Variants in ESRRG observed in about 807,000 individuals in gnomAD.
ESRRG encodes the protein estrogen-related receptor gamma.
In ESRRG, 13 loss-of-function variants were observed where a neutral mutation model predicts 44.0. The ratio of observed to expected loss-of-function variants is 0.30; its 90% CI spans 0.19 to 0.47. ESRRG has a LOEUF of 0.47. Ranked by LOEUF, ESRRG falls within the 20% of genes least tolerant of loss-of-function variation. The pLI is 1.00. For missense variants in ESRRG, 395 were observed against 580.6 expected, an observed-to-expected ratio of 0.68 and a Z score of 3.29; for synonymous variants, 215 against 214.6, an observed-to-expected ratio of 1.00 and a Z score of -0.02.
intron 1 of ESRRG, among the ~76,000 whole-genome samples, chr1:217,005,136 T>C (rs1444764268): frequency 1.3e-5 from 2 of 152,160 alleles, no homozygotes; most frequent in African/African-American, 2.4e-5. Flanking sequence ...TTAGTTAGCT[T>C]GTGTATATTG....
At chr1:216,541,264 G>A (rs2052633657) in intron 5 of ESRRG, among the ~76,000 whole-genome samples, 1 of 151,886 alleles carries the variant, frequency 6.6e-6, no homozygotes, top group Non-Finnish European at 1.5e-5. Context: ...TTCTTAACCT[G>A]CTAAATTAAA....
At chr1:217,057,495 A>G (rs1304426370) in intron 1 of ESRRG, among the ~76,000 whole-genome samples, 2 of 152,182 alleles carry the variant, frequency 1.3e-5, no homozygotes, top group African/African-American at 4.8e-5. Flanking sequence ...ACATTAAGAA[A>G]TGATACAAAC....
chr1:216,512,082 G>T (rs1296709562), intron 6 of ESRRG, among the ~76,000 whole-genome samples: 1 of 152,068 alleles, frequency 6.6e-6, no homozygotes, highest in Non-Finnish European at 1.5e-5. Flanking sequence ...AAAAAGAGAA[G>T]AAAAACAACA....
chr1:216,804,916 T>C (rs1046487086), intron 2 of ESRRG: 1 of 152,172 alleles, frequency 6.6e-6, no homozygotes, highest in African/African-American at 2.4e-5. Flanking sequence ...CCCATAGCAT[T>C]TACAAATAGA....
At chr1:217,091,355 G>T (rs565529731), upstream of ESRRG, among the ~76,000 whole-genome samples, 1 of 152,240 alleles carries the variant, frequency 6.6e-6, no homozygotes, top group Admixed American at 6.5e-5. Context: ...AAAAACTTTT[G>T]AATTCATCCA....
At chr1:216,882,947 T>G (rs546861299) in intron 2 of ESRRG, among the ~76,000 whole-genome samples, 84 of 148,720 alleles carry the variant, frequency 5.6e-4, no homozygotes, top group Non-Finnish European at 8.3e-4. Flanking sequence ...AAAAAAAAAA[T>G]GCTCTCTAAA....
chr1:216,520,947 G>A (rs1461585891), intron 5 of ESRRG, among the ~76,000 whole-genome samples: 1 of 152,102 alleles, frequency 6.6e-6, no homozygotes, highest in Non-Finnish European at 1.5e-5. Flanking sequence ...GAAAAGGAAA[G>A]GATTTCCTGA....
rs145289825 is a variant in ESRRG at position 216,986,368 on chromosome 1, T to C, written c.-105-46695A>G. ...TGTCTGAGAATGCAGATTCAGAAAT[T>C]GTATAGAGACGTAAACATGTGGCCT... On this transcript the variant is annotated intron_variant, in intron 1 of 7. Transcript: ENST00000359162. Among the ~76,000 whole-genome samples the C allele has an allele frequency of 2.6e-4, 40 of 152,100 alleles. No individual in the cohort carries two copies. The East Asian group carries it at 7.4e-3, about 28-fold the overall frequency.
At chr1:216,718,094 T>C (rs1289358617) in intron 1 of ESRRG, among the ~76,000 whole-genome samples, 1 of 151,880 alleles carries the variant, frequency 6.6e-6, no homozygotes, top group Non-Finnish European at 1.5e-5. Context: ...ACTTACTAGG[T>C]TACCTGTTAC....
intron 1 of ESRRG, among the ~76,000 whole-genome samples, chr1:217,026,386 C>A (rs11572425): frequency 4.5e-4 from 68 of 152,328 alleles, no homozygotes; most frequent in African/African-American, 1.4e-3. Flanking sequence ...GAAGACCCTG[C>A]AAATGGCAAG....
chr1:216,524,526 C>A (rs1018418289), intron 5 of ESRRG, among the ~76,000 whole-genome samples: 4 of 151,752 alleles, frequency 2.6e-5, no homozygotes, highest in African/African-American at 4.8e-5. Flanking sequence ...TTTGGGCTGA[C>A]CTTAATCCAG....
intron 2 of ESRRG, among the ~76,000 whole-genome samples, chr1:216,831,989 G>T (rs2095494894): frequency 6.6e-6 from 1 of 152,120 alleles, no homozygotes; most frequent in Non-Finnish European, 1.5e-5. Context: ...GTCTGCAAAT[G>T]ATTCTTCATG....
At chr1:216,904,449 CAA>C (rs1398093855) in intron 2 of ESRRG, among the ~76,000 whole-genome samples, 1 of 152,102 alleles carries the variant, frequency 6.6e-6, no homozygotes, top group South Asian at 2.1e-4. Context: ...TAAAATTAAA[CAA>C]AGTCATTGAA....
At chr1:216,675,005 G>C (rs2075842529) in intron 2 of ESRRG, among the ~76,000 whole-genome samples, 1 of 152,082 alleles carries the variant, frequency 6.6e-6, no homozygotes. Flanking sequence ...GTACAAGTAA[G>C]GATTGTCACT....
chr1:216,551,868 G>T (rs1407022689), intron 5 of ESRRG, among the ~76,000 whole-genome samples: 1 of 152,042 alleles, frequency 6.6e-6, no homozygotes, highest in Non-Finnish European at 1.5e-5. Context: ...ATTTAGCTCT[G>T]CATCAAGATC....
At chr1:216,524,909 C>T (rs919333573) in intron 5 of ESRRG, among the ~76,000 whole-genome samples, 4 of 152,100 alleles carry the variant, frequency 2.6e-5, no homozygotes, top group African/African-American at 9.7e-5. Flanking sequence ...TAATATCTAC[C>T]AGTCCAAAAC....
intron 2 of ESRRG, among the ~76,000 whole-genome samples, chr1:216,661,014 T>A (rs1038547743): frequency 1.3e-5 from 2 of 152,146 alleles, no homozygotes; most frequent in Non-Finnish European, 2.9e-5. Context: ...GAAATACATT[T>A]AAAAAGGACT....
intron 2 of ESRRG, among the ~76,000 whole-genome samples, chr1:216,653,250 C>T (rs908880874): frequency 6.6e-6 from 1 of 152,180 alleles, no homozygotes; most frequent in Non-Finnish European, 1.5e-5. Context: ...TGTGTGAGCT[C>T]ACACCTGGAC....
At chr1:217,040,848 T>G (rs1182765010) in intron 1 of ESRRG, among the ~76,000 whole-genome samples, 1 of 152,118 alleles carries the variant, frequency 6.6e-6, no homozygotes, top group Non-Finnish European at 1.5e-5. Flanking sequence ...GTAGATACTA[T>G]TTGGCCTACT....
Sources: allele counts gnomAD v4.1 joint callset (sites outside exome capture counted in the v4.1 genomes callset), GRCh38; gene constraint gnomAD v4.1.1; transcripts MANE v1.5; gene names NCBI Gene and HGNC (gene_info 2026-07-23, HGNC 2026-07-21).